Variants in ATRNL1 observed in about 807,000 individuals in gnomAD.
ATRNL1 encodes the protein attractin like 1, also known as attractin-like protein 1.
A neutral mutation model predicts 182.7 loss-of-function variants in ATRNL1; 95 were observed. That is an observed-to-expected ratio of 0.52 (90% CI 0.44 to 0.62). The LOEUF (loss-of-function observed/expected upper bound fraction) is 0.62, where lower values mean the gene tolerates loss of function less well. Among genes scored for constraint, ATRNL1 ranks in the 20% least tolerant of loss-of-function variants. The pLI is 0.00. For synonymous variants in ATRNL1, 576 were observed against 568.3 expected (o/e 1.01, Z -0.19); for missense variants, 1,471 against 1,679.5 (o/e 0.88, Z 2.17).
intron 28 of ATRNL1, among the ~76,000 whole-genome samples, chr10:115,910,848 C>T (rs1555115741): frequency 6.6e-6 from 1 of 152,142 alleles, no homozygotes; most frequent in Non-Finnish European, 1.5e-5. Flanking sequence ...ATATTTTTTT[C>T]CTATAAGATA....
intron 13 of ATRNL1, among the ~76,000 whole-genome samples, chr10:115,277,144 A>G (rs1201129129): frequency 1.4e-5 from 2 of 144,894 alleles, no homozygotes; most frequent in African/African-American, 5.1e-5. Flanking sequence ...TATATACTAT[A>G]TGAAAACAAA....
In ATRNL1 at chr10:115,614,542, T is replaced by A. The variant is rs562202094; in HGVS notation, c.3795+65006T>A. On this transcript the variant is annotated intron_variant, in intron 26 of 28. Transcript: ENST00000355044. ...TTCTGTATATGTCTGTTAGGTTTAT[T>A]TGGTCTATAATGCAATTTAAGTCTG... is the stretch of plus-strand genomic sequence containing the variant. 3.2e-4 allele frequency among the ~76,000 whole-genome samples: 49 copies of A among 152,312 alleles called. 1 individual carries two copies. The South Asian group carries it at 9.7e-3, about 30-fold the overall frequency.
chr10:115,775,959 C>CA (rs398014865), intron 27 of ATRNL1, among the ~76,000 whole-genome samples: 71,231 of 112,818 alleles, frequency 0.63, 21,556 homozygotes, highest in East Asian at 0.79. Context: ...ACTCCATTCT[C>CA]AAAAAAAAAA....
chr10:115,854,294 C>T (rs1339520638), intron 28 of ATRNL1, among the ~76,000 whole-genome samples: 3 of 152,148 alleles, frequency 2.0e-5, no homozygotes, highest in Non-Finnish European at 2.9e-5. Context: ...GTTTGACTGT[C>T]GATTATTCCC....
intron 20 of ATRNL1, among the ~76,000 whole-genome samples, chr10:115,408,028 G>A (rs1245292048): frequency 4.2e-5 from 5 of 119,946 alleles, no homozygotes; most frequent in Non-Finnish European, 7.9e-5. Context: ...ACGGAGTCTC[G>A]CTCTGTCGCC....
intron 25 of ATRNL1, among the ~76,000 whole-genome samples, chr10:115,544,011 AAAAG>A (rs1316310496): frequency 5.3e-5 from 8 of 151,880 alleles, no homozygotes; most frequent in Admixed American, 1.3e-4. Context: ...TTTTTTTTGA[AAAAG>A]AAAGCCCAAT....
At chr10:115,885,309 G>A (rs1951918647) in intron 28 of ATRNL1, among the ~76,000 whole-genome samples, 1 of 152,136 alleles carries the variant, frequency 6.6e-6, no homozygotes, top group East Asian at 1.9e-4. Flanking sequence ...CTTGAAGGTG[G>A]GAAGATGATA....
At chr10:115,114,509 C>G (rs963449970) in intron 1 of ATRNL1, among the ~76,000 whole-genome samples, 19 of 152,158 alleles carry the variant, frequency 1.2e-4, no homozygotes, top group Admixed American at 1.0e-3. Context: ...GACTCATACC[C>G]AAGACATAAA....
At position 115,093,999 on chromosome 10, in the gene ATRNL1, G is replaced by T. The variant is rs782417840; in HGVS notation, c.249G>T (p.Pro83=). 6.3e-7 allele frequency: 1 copy of T among 1,579,448 alleles called. No homozygotes were observed. The highest frequency in any genetic ancestry group is 1.4e-5 in the African/African-American group (1 of 72,392). Residue 83 remains proline, a synonymous_variant, in exon 1 of 29, where the codon CCG becomes CCT. Transcript: ENST00000355044. The surrounding 1 kb of genome is among the most constrained non-coding windows in gnomAD (Gnocchi z 6.1). The stretch of plus-strand genomic sequence containing the variant: ...TCAACTCCACCTGCCTCTGCGACCC[G>T]GGCTGGGTGGGGGACCAGTGCCAGC... ...RCVNSTCLCD[P]GWVGDQCQHC...
chr10:115,122,535 G>A (rs535095618), intron 3 of ATRNL1, among the ~76,000 whole-genome samples: 2 of 151,866 alleles, frequency 1.3e-5, no homozygotes, highest in African/African-American at 4.8e-5. Context: ...TACAATATCT[G>A]TTATATGTTC....
chr10:115,724,788 A>G (rs1211899089), intron 26 of ATRNL1, among the ~76,000 whole-genome samples: 2 of 152,162 alleles, frequency 1.3e-5, no homozygotes, highest in African/African-American at 4.8e-5. Flanking sequence ...AAGTAGGACA[A>G]TTGTTAAGAA....
intron 11 of ATRNL1, among the ~76,000 whole-genome samples, chr10:115,265,800 A>G (rs1851585367): frequency 6.6e-6 from 1 of 151,834 alleles, no homozygotes. Context: ...TTAAGTTAAT[A>G]TAATTTTTGT....
intron 26 of ATRNL1, among the ~76,000 whole-genome samples, chr10:115,659,590 A>T (rs1490247288): frequency 6.6e-6 from 1 of 152,048 alleles, no homozygotes; most frequent in African/African-American, 2.4e-5. Flanking sequence ...AATGTATTGT[A>T]ATACAGTTAT....
chr10:115,531,572 G>A (rs1451431782), intron 25 of ATRNL1, among the ~76,000 whole-genome samples: 4 of 150,220 alleles, frequency 2.7e-5, no homozygotes, highest in African/African-American at 9.7e-5. Flanking sequence ...CTCCCATTTT[G>A]TAGGCTGCCT....
At chr10:115,754,777 G>T (rs918025267) in intron 27 of ATRNL1, among the ~76,000 whole-genome samples, 1 of 152,066 alleles carries the variant, frequency 6.6e-6, no homozygotes, top group Non-Finnish European at 1.5e-5. Flanking sequence ...CCATTTTCAC[G>T]ATATTGATTC....
chr10:115,123,598 C>T (rs2143650254), intron 3 of ATRNL1, among the ~76,000 whole-genome samples: 1 of 152,236 alleles, frequency 6.6e-6, no homozygotes, highest in African/African-American at 2.4e-5. Context: ...CACCAACTAC[C>T]TGCAGTTGGG....
intron 28 of ATRNL1, among the ~76,000 whole-genome samples, chr10:115,868,998 T>A (rs892768759): frequency 5.9e-5 from 9 of 151,584 alleles, no homozygotes; most frequent in Non-Finnish European, 1.2e-4. Context: ...CCCGGCTAAT[T>A]TTTTGTATTT....
At chr10:115,443,863 T>C (rs1333896566) in intron 21 of ATRNL1, among the ~76,000 whole-genome samples, 2 of 152,152 alleles carry the variant, frequency 1.3e-5, no homozygotes, top group African/African-American at 2.4e-5. Context: ...GAAGTCTGCA[T>C]GTCAAAGCTT....
At chr10:115,469,364 A>G (rs1554971663) in intron 24 of ATRNL1, 35 bp downstream of exon 24, 12 of 1,327,390 alleles carry the variant, frequency 9.0e-6, no homozygotes, top group African/African-American at 6.2e-5. Context: ...TAATGACCAT[A>G]ATATCATTAA....
Sources: allele counts gnomAD v4.1 joint callset (sites outside exome capture counted in the v4.1 genomes callset), GRCh38; gene constraint gnomAD v4.1.1; non-coding constraint Gnocchi (gnomAD v3.1); transcripts MANE v1.5; gene names NCBI Gene and HGNC (gene_info 2026-07-23, HGNC 2026-07-21).